PPFIBP1: variants seen among roughly 807,000 people sequenced by gnomAD.
The protein encoded by PPFIBP1 is PPFIB scaffold protein 1.
Under a neutral mutation model 137.8 loss-of-function variants are expected in PPFIBP1, and 112 were observed. The ratio of observed to expected loss-of-function variants is 0.81; its 90% CI spans 0.70 to 0.95. The LOEUF is 0.95. Among genes scored for constraint, PPFIBP1 ranks in the 40% least tolerant of loss-of-function variants. The pLI, the probability that PPFIBP1 is intolerant of heterozygous loss-of-function variation, is 0.00. For synonymous variants in PPFIBP1, 378 were observed against 417.3 expected (o/e 0.91, Z 1.15); for missense variants, 1,083 against 1,196.6 (o/e 0.91, Z 1.40).
At chr12:27,677,482 A>G in intron 19 of PPFIBP1, 1 of 222,450 alleles carries the variant, frequency 4.5e-6, no homozygotes, top group Non-Finnish European at 9.0e-6. Flanking sequence ...CATTTCCCCC[A>G]GCCTCCAAAA....
chr12:27,570,754 C>CAA (rs557270550), intron 1 of PPFIBP1, among the ~76,000 whole-genome samples: 2,444 of 150,338 alleles, frequency 0.016, 64 homozygotes, highest in African/African-American at 0.057. Context: ...ACGAAAAATA[C>CAA]AAAAAAAAAT....
rs534601227 is a variant in PPFIBP1, at chr12:27,692,918, CT to C, written c.*42del. 96 of 1,611,154 alleles carry C rather than the reference CT, an allele frequency of 6.0e-5. 1 individual carries two copies. In the South Asian group the frequency reaches 1.0e-3, roughly 17 times the overall value. ...TGGATGAACATTAGGAGTGCTTAGT[CT>C]TTTTTCTACTTGCTTTTCCAAACAC... On this transcript the variant is annotated 3_prime_UTR_variant, in exon 30 of 30. Transcript: ENST00000228425.
chr12:27,550,991 A>ATATATATTT (rs375148048), intron 1 of PPFIBP1, among the ~76,000 whole-genome samples: 5 of 136,712 alleles, frequency 3.7e-5, no homozygotes, highest in Non-Finnish European at 6.2e-5. Context: ...ATATATATAT[A>ATATATATTT]TTTTTTTTTT....
At chr12:27,660,537 T>C (rs2059477902) in intron 10 of PPFIBP1, among the ~76,000 whole-genome samples, 1 of 152,238 alleles carries the variant, frequency 6.6e-6, no homozygotes, top group African/African-American at 2.4e-5. Flanking sequence ...CGCACTGCTT[T>C]ATAGATTCCT....
At chr12:27,535,334 A>G (rs1182997334) in intron 1 of PPFIBP1, among the ~76,000 whole-genome samples, 1 of 152,226 alleles carries the variant, frequency 6.6e-6, no homozygotes, top group Admixed American at 6.5e-5. Context: ...TAAAAAACTA[A>G]GCAGTGAAGT....
intron 1 of PPFIBP1, among the ~76,000 whole-genome samples, chr12:27,537,265 G>A (rs1197277240): frequency 6.6e-6 from 1 of 152,050 alleles, no homozygotes; most frequent in African/African-American, 2.4e-5. Context: ...CTGAGTAGCT[G>A]GGATTACAGA....
At chr12:27,556,710 A>G (rs1333658650) in intron 1 of PPFIBP1, among the ~76,000 whole-genome samples, 2 of 152,180 alleles carry the variant, frequency 1.3e-5, no homozygotes, top group Admixed American at 6.5e-5. Context: ...CTAATATTCA[A>G]GCGTTCAGCA....
intron 2 of PPFIBP1, among the ~76,000 whole-genome samples, chr12:27,595,914 TA>T (rs2053231711): frequency 2.1e-5 from 2 of 97,304 alleles, no homozygotes; most frequent in Non-Finnish European, 4.7e-5. Context: ...TATATATATA[TA>T]TATATATTTT....
At chr12:27,595,773 G>C (rs1016681731) in intron 2 of PPFIBP1, among the ~76,000 whole-genome samples, 2 of 151,612 alleles carry the variant, frequency 1.3e-5, no homozygotes, top group Admixed American at 6.6e-5. Context: ...AGAATCACTT[G>C]AACCCAGGAG....
intron 1 of PPFIBP1, among the ~76,000 whole-genome samples, chr12:27,567,460 A>T (rs2049777433): frequency 6.6e-6 from 1 of 152,256 alleles, no homozygotes; most frequent in Non-Finnish European, 1.5e-5. Flanking sequence ...GGGGAATATG[A>T]TAATAGTCTT....
rs60979452 is a variant in PPFIBP1, at chr12:27,669,769, C to A, written c.1147-1662C>A. Among the ~76,000 whole-genome samples, 6 of 152,284 alleles carry A rather than the reference C, an allele frequency of 3.9e-5. 1 individual carries two copies. The highest frequency in any genetic ancestry group is 3.9e-4 in the East Asian group (2 of 5,190). ...AATAATTCGACTTCACATTTTATAA[C>A]CTTTTATTGTGTTAAAGGATGAGAC... On this transcript the variant is annotated intron_variant, in intron 13 of 29. Transcript: ENST00000228425.
intron 2 of PPFIBP1, among the ~76,000 whole-genome samples, chr12:27,603,122 C>T (rs2054170300): frequency 6.6e-6 from 1 of 152,220 alleles, no homozygotes; most frequent in African/African-American, 2.4e-5. Context: ...CCTCTCCTCG[C>T]TCTCTGTTGG....
intron 1 of PPFIBP1, chr12:27,548,572 A>G (rs1320736192): frequency 2.0e-5 from 3 of 152,194 alleles, no homozygotes; most frequent in Non-Finnish European, 2.9e-5. Context: ...GACAAAGCCA[A>G]AGTTATACCT....
chr12:27,693,255 C>G lies in PPFIBP1; in HGVS notation c.*373C>G, dbSNP rs950933489. 1 of 172,334 alleles carries G rather than the reference C, an allele frequency of 5.8e-6. No individual in the cohort carries two copies. The highest frequency in any genetic ancestry group is 1.2e-5 in the Non-Finnish European group (1 of 80,846). The allele number at this position is 172,334 out of a possible 1,614,324, so 10.7% of individuals were successfully genotyped here. On this transcript the variant is annotated 3_prime_UTR_variant, in exon 30 of 30. Transcript: ENST00000228425. ...TTTGTTACATCAGTGTTCACTGTAG[C>G]CACCTAAGTAGGACATTATATGATT...
At chr12:27,538,930 A>G (rs1250265423) in intron 1 of PPFIBP1, among the ~76,000 whole-genome samples, 6 of 152,122 alleles carry the variant, frequency 3.9e-5, no homozygotes, top group African/African-American at 1.4e-4. Context: ...GTCAAGAGAC[A>G]TTTTTTGTGT....
intron 20 of PPFIBP1, 91 bp downstream of exon 20, chr12:27,679,730 G>T: frequency 6.8e-7 from 1 of 1,461,128 alleles, no homozygotes; most frequent in Non-Finnish European, 9.3e-7. Flanking sequence ...TAAGGCCTTT[G>T]TATTCCTCTT....
chr12:27,659,778 T>C (rs1336880860), intron 10 of PPFIBP1, among the ~76,000 whole-genome samples: 2 of 152,144 alleles, frequency 1.3e-5, no homozygotes, highest in African/African-American at 4.8e-5. Context: ...GCACCACTGT[T>C]TTATAACTTA....
At chr12:27,603,830 A>G (rs2054241531) in intron 2 of PPFIBP1, among the ~76,000 whole-genome samples, 1 of 152,204 alleles carries the variant, frequency 6.6e-6, no homozygotes, top group South Asian at 2.1e-4. Context: ...TTCAGAGCCA[A>G]CAGTTGTTCT....
chr12:27,527,945 TTTTG>T (rs1160570156), intron 1 of PPFIBP1, among the ~76,000 whole-genome samples: 2 of 151,974 alleles, frequency 1.3e-5, no homozygotes, highest in South Asian at 2.1e-4. Context: ...TTCTTTGCTT[TTTTG>T]TTTGTTTGTT....
Sources: allele counts gnomAD v4.1 joint callset (sites outside exome capture counted in the v4.1 genomes callset), GRCh38; gene constraint gnomAD v4.1.1; transcripts MANE v1.5; gene names NCBI Gene and HGNC (gene_info 2026-07-23, HGNC 2026-07-21).